The following NRG3 variants were observed in gnomAD, a reference collection of about 807,000 sequenced individuals.
The protein encoded by NRG3 is pro-neuregulin-3, membrane-bound isoform.
In NRG3, 31 loss-of-function variants were observed where a neutral mutation model predicts 66.9. The ratio of observed to expected loss-of-function variants is 0.46; its 90% confidence interval spans 0.35 to 0.63. The LOEUF (loss-of-function observed/expected upper bound fraction) is 0.63, where lower values mean the gene tolerates loss of function less well. Ranked by LOEUF, NRG3 falls within the 20% of genes least tolerant of loss-of-function variation. The pLI, the probability that NRG3 is intolerant of heterozygous loss-of-function variation, is 0.00. For synonymous variants in NRG3, 393 were observed against 359.4 expected (o/e 1.09, Z -1.06); for missense variants, 910 against 878.9 (o/e 1.04, Z -0.45).
At chr10:82,191,141 GAGA>G (rs1346923555) in intron 1 of NRG3, among the ~76,000 whole-genome samples, 19 of 152,100 alleles carry the variant, frequency 1.2e-4, no homozygotes, top group Admixed American at 2.6e-4. Flanking sequence ...CTCCGAGGTG[GAGA>G]AGGTTTCTTC....
intron 2 of NRG3, among the ~76,000 whole-genome samples, chr10:82,370,682 A>G (rs1330557600): frequency 6.6e-6 from 1 of 151,922 alleles, no homozygotes; most frequent in African/African-American, 2.4e-5. Flanking sequence ...CTGTATCCCA[A>G]CTCTGTGTCA....
chr10:82,427,440 G>A (rs886495517), intron 2 of NRG3, among the ~76,000 whole-genome samples: 1 of 151,986 alleles, frequency 6.6e-6, no homozygotes. Context: ...GAGATTATAA[G>A]TTATTTATAT....
chr10:82,306,703 T>TAAAA (rs71009805), intron 1 of NRG3, among the ~76,000 whole-genome samples: 19 of 35,908 alleles, frequency 5.3e-4, no homozygotes, highest in Admixed American at 4.9e-4. Context: ...GACTCCGTCT[T>TAAAA]AAAAAAAAAA....
chr10:82,695,014 C>G (rs2055261811), intron 2 of NRG3, among the ~76,000 whole-genome samples: 1 of 152,020 alleles, frequency 6.6e-6, no homozygotes, highest in East Asian at 1.9e-4. Context: ...ATTACAATTA[C>G]AATCTCAAAT....
chr10:82,700,923 A>G (rs1231914195), intron 2 of NRG3, among the ~76,000 whole-genome samples: 3 of 152,162 alleles, frequency 2.0e-5, no homozygotes, highest in African/African-American at 7.2e-5. Context: ...TATGTTTTCA[A>G]AATGGTGAGG....
At chr10:82,493,508 A>G (rs1362768238) in intron 2 of NRG3, among the ~76,000 whole-genome samples, 3 of 152,046 alleles carry the variant, frequency 2.0e-5, no homozygotes, top group Non-Finnish European at 4.4e-5. Flanking sequence ...TATGTACCAC[A>G]TTTTCTTTAT....
intron 3 of NRG3, among the ~76,000 whole-genome samples, chr10:82,761,954 T>TTCTG (rs1338901365): frequency 6.7e-6 from 1 of 148,254 alleles, no homozygotes; most frequent in Non-Finnish European, 1.5e-5. Context: ...CTTTCTTTCT[T>TTCTG]TCTTTCTTTC....
chr10:82,672,154 C>T (rs2053329767), intron 2 of NRG3, among the ~76,000 whole-genome samples: 1 of 152,100 alleles, frequency 6.6e-6, no homozygotes, highest in Non-Finnish European at 1.5e-5. Context: ...GAAGACTAAG[C>T]TGAGCCAGAA....
At chr10:82,275,672 C>T (rs4329625) in intron 1 of NRG3, among the ~76,000 whole-genome samples, 28,419 of 151,872 alleles carry the variant, frequency 0.19, 6,136 homozygotes, top group African/African-American at 0.53. Flanking sequence ...AGTAGAAATA[C>T]TGACTCTTGT....
At chr10:82,620,700 G>A (rs2048987478) in intron 2 of NRG3, among the ~76,000 whole-genome samples, 1 of 152,088 alleles carries the variant, frequency 6.6e-6, no homozygotes, top group East Asian at 1.9e-4. Context: ...GGGCAAACAG[G>A]GATAGAAGTT....
At chr10:82,933,687 A>G (rs1422546462) in intron 4 of NRG3, among the ~76,000 whole-genome samples, 1 of 152,210 alleles carries the variant, frequency 6.6e-6, no homozygotes, top group Non-Finnish European at 1.5e-5. Flanking sequence ...TTTTAATTCT[A>G]TTAGTGGTGA....
At chr10:82,544,222 G>A (rs1194336998) in intron 2 of NRG3, among the ~76,000 whole-genome samples, 1 of 152,144 alleles carries the variant, frequency 6.6e-6, no homozygotes, top group African/African-American at 2.4e-5. Flanking sequence ...TTGGGTATGA[G>A]TTGTCCTTAT....
At chr10:82,281,296 T>C (rs1227344977) in intron 1 of NRG3, among the ~76,000 whole-genome samples, 2 of 152,156 alleles carry the variant, frequency 1.3e-5, no homozygotes, top group Non-Finnish European at 2.9e-5. Context: ...GATAGCATGA[T>C]TGCTGAATGG....
chr10:82,872,347 T>C (rs1241929655), intron 4 of NRG3, among the ~76,000 whole-genome samples: 2 of 152,180 alleles, frequency 1.3e-5, no homozygotes, highest in African/African-American at 4.8e-5. Flanking sequence ...TTGAGCAATA[T>C]GACTTTCATT....
intron 1 of NRG3, among the ~76,000 whole-genome samples, chr10:82,102,299 T>C (rs925091163): frequency 4.7e-5 from 7 of 150,312 alleles, no homozygotes; most frequent in African/African-American, 1.7e-4. Context: ...TTCTTTGGTG[T>C]TTATATAGTT....
chr10:82,393,867 A>G (rs1007680281), intron 2 of NRG3, among the ~76,000 whole-genome samples: 1 of 152,196 alleles, frequency 6.6e-6, no homozygotes, highest in African/African-American at 2.4e-5. Context: ...ACTCTATGAT[A>G]ATTCATATTT....
At chr10:82,980,645 G>T (rs1342736498) in intron 8 of NRG3, among the ~76,000 whole-genome samples, 1 of 152,168 alleles carries the variant, frequency 6.6e-6, no homozygotes, top group African/African-American at 2.4e-5. Context: ...ATCAGCAACA[G>T]ATTTCTTAAG....
chr10:82,543,492 T>C (rs1054301895), intron 2 of NRG3, among the ~76,000 whole-genome samples: 1 of 152,178 alleles, frequency 6.6e-6, no homozygotes, highest in African/African-American at 2.4e-5. Context: ...AATGTCTTTA[T>C]CCATCTCCTA....
intron 1 of NRG3, among the ~76,000 whole-genome samples, chr10:82,248,387 T>C (rs2077341245): frequency 6.6e-6 from 1 of 152,174 alleles, no homozygotes; most frequent in African/African-American, 2.4e-5. Context: ...TCCTCAGTTT[T>C]AGGCTGTCAT....
Sources: gnomAD v4.1 joint callset for allele counts (sites outside exome capture counted in the v4.1 genomes callset) on GRCh38, gnomAD v4.1.1 for gene constraint, MANE v1.5 for transcripts, NCBI Gene and HGNC (gene_info 2026-07-23, HGNC 2026-07-21) for gene names.